Variants in TTC23 observed in about 807,000 individuals in gnomAD.
TTC23 encodes tetratricopeptide repeat domain 23, also known as tetratricopeptide repeat protein 23.
A neutral mutation model predicts 55.1 loss-of-function variants in TTC23; 58 were observed. That is an observed-to-expected ratio of 1.05 (90% CI 0.85 to 1.31). The LOEUF is 1.31. Ranked by LOEUF, TTC23 falls within the 50% of genes most tolerant of loss-of-function variation. TTC23 has a pLI of 0.00. For synonymous variants in TTC23, 203 were observed against 199.9 expected, an observed-to-expected ratio of 1.02 and a Z score of -0.13; for missense variants, 516 against 534.4, an observed-to-expected ratio of 0.97 and a Z score of 0.34.
At chr15:99,221,607 A>G (rs1375155226) in intron 6 of TTC23, 134 bp downstream of exon 6, 1 of 1,184,778 alleles carries the variant, frequency 8.4e-7, no homozygotes, top group East Asian at 2.5e-5. Flanking sequence ...ACTCTTTCTA[A>G]AAAGAAATGG....
chr15:99,236,462 TCTCA>T (rs2079324117), intron 3 of TTC23, among the ~76,000 whole-genome samples: 1 of 151,936 alleles, frequency 6.6e-6, no homozygotes. Flanking sequence ...GGAGTCCTTT[TCTCA>T]CTTTTTTTTT....
At chr15:99,192,847 A>C (rs2075357515) in intron 9 of TTC23, among the ~76,000 whole-genome samples, 1 of 152,192 alleles carries the variant, frequency 6.6e-6, no homozygotes, top group Non-Finnish European at 1.5e-5. Flanking sequence ...GTGTGAAGGC[A>C]GCTGGGAGGG....
At chr15:99,156,397 G>T in intron 11 of TTC23, 100 bp from the exon 12 acceptor site, 1 of 1,389,488 alleles carries the variant, frequency 7.2e-7, no homozygotes, top group Non-Finnish European at 9.9e-7. Flanking sequence ...GTAGTCTCAC[G>T]AGCTGAGCCT....
At chr15:99,232,217 C>T (rs2078989321) in intron 4 of TTC23, among the ~76,000 whole-genome samples, 1 of 151,638 alleles carries the variant, frequency 6.6e-6, no homozygotes. Context: ...CGGTGGCTCA[C>T]ACCTGTAATC....
chr15:99,138,314 T>C (rs1435154604), intron 13 of TTC23, among the ~76,000 whole-genome samples, 187 bp from the exon 14 acceptor site: 2 of 152,126 alleles, frequency 1.3e-5, no homozygotes, highest in African/African-American at 4.8e-5. Flanking sequence ...TCTTTTATTT[T>C]TTTAATTTTT....
chr15:99,228,527 C>A lies in TTC23; in HGVS notation c.180+6G>T. 6.2e-7 allele frequency: 1 copy of A among 1,600,450 alleles called. No homozygotes were observed. The highest frequency in any genetic ancestry group is 1.1e-5 in the South Asian group (1 of 89,340). On this transcript the variant is annotated splice_donor_region_variant and intron_variant, in intron 5 of 13. Coordinates refer to ENST00000394132, the MANE Select transcript of TTC23 (RefSeq NM_001288615.3). ...AGTAGAAATACAGAAACAAAAGTCTCCTTACCTCATGACTGTTGGAATAGG... is the reference window on the plus strand; with the variant it reads ...AGTAGAAATACAGAAACAAAAGTCTACTTACCTCATGACTGTTGGAATAGG...
At chr15:99,228,093 G>C (rs1304472284) in intron 5 of TTC23, among the ~76,000 whole-genome samples, 1 of 152,200 alleles carries the variant, frequency 6.6e-6, no homozygotes, top group Non-Finnish European at 1.5e-5. Flanking sequence ...TCATACAATA[G>C]ATATTTATGA....
intron 9 of TTC23, among the ~76,000 whole-genome samples, chr15:99,199,248 A>C (rs2075996627): frequency 6.6e-6 from 1 of 151,982 alleles, no homozygotes; most frequent in Non-Finnish European, 1.5e-5. Context: ...TTCCAGACTT[A>C]ACAGCCCCTT....
chr15:99,186,257 T>C (rs1483722828), intron 9 of TTC23, among the ~76,000 whole-genome samples: 2 of 152,234 alleles, frequency 1.3e-5, no homozygotes, highest in Admixed American at 6.5e-5. Context: ...AGGTTATTTT[T>C]TTAAGGAGCT....
chr15:99,244,549 G>C (rs549905550), intron 2 of TTC23, among the ~76,000 whole-genome samples: 1 of 152,012 alleles, frequency 6.6e-6, no homozygotes, highest in African/African-American at 2.4e-5. Context: ...TTCAAAATAG[G>C]ATAAAGAGAA....
intron 9 of TTC23, among the ~76,000 whole-genome samples, chr15:99,197,261 C>G (rs1165898952): frequency 6.6e-6 from 1 of 152,104 alleles, no homozygotes; most frequent in Non-Finnish European, 1.5e-5. Flanking sequence ...CGCCACCATG[C>G]CCGGCTAATT....
At chr15:99,249,037 A>G (rs971396662) in intron 1 of TTC23, 134 bp downstream of exon 1, 2 of 152,100 alleles carry the variant, frequency 1.3e-5, no homozygotes, top group African/African-American at 4.8e-5. Context: ...CAATATATAA[A>G]CAAAAATATC....
At position 99,173,237 on chromosome 15, in the gene TTC23, C is replaced by T. The variant is rs117985059; in HGVS notation, c.865+1813G>A. Among the ~76,000 whole-genome samples the T allele has an allele frequency of 7.4e-3, 1,133 of 152,286 alleles. 9 individuals are homozygous for T. The highest frequency in any genetic ancestry group is 0.013 in the Non-Finnish European group (866 of 68,016). ...TCCAGGTCAAAAGTCACGGATCCAG[C>T]CTTCGCACTTGTTTTGACTCACTCA... On this transcript the variant is annotated intron_variant, in intron 10 of 13. Transcript: ENST00000394132.
chr15:99,170,802 C>T (rs2072821081), intron 10 of TTC23, among the ~76,000 whole-genome samples: 1 of 152,222 alleles, frequency 6.6e-6, no homozygotes. Context: ...CCCACCTGTG[C>T]TCCTGCTGCA....
intron 8 of TTC23, 24 bp downstream of exon 8, chr15:99,218,564 C>A: frequency 1.2e-6 from 2 of 1,613,900 alleles, no homozygotes; most frequent in Non-Finnish European, 1.7e-6. Flanking sequence ...ATCATGTATG[C>A]AAAATCCTAA....
intron 9 of TTC23, among the ~76,000 whole-genome samples, chr15:99,178,917 C>G (rs967520136): frequency 6.6e-6 from 1 of 152,030 alleles, no homozygotes; most frequent in African/African-American, 2.4e-5. Context: ...GGGAAATGAG[C>G]GGTGGGTTTC....
At chr15:99,158,053 AGGGCCG>A (rs1415589961) in intron 11 of TTC23, 1 of 152,242 alleles carries the variant, frequency 6.6e-6, no homozygotes, top group Non-Finnish European at 1.5e-5. Flanking sequence ...GTTAGGGGAT[AGGGCCG>A]GGGTAGGGGA....
chr15:99,162,517 C>T (rs1007203092), intron 10 of TTC23, among the ~76,000 whole-genome samples: 6 of 152,072 alleles, frequency 3.9e-5, no homozygotes, highest in African/African-American at 1.4e-4. Flanking sequence ...TTGAATGGCC[C>T]GTAAGCATAT....
At chr15:99,140,853 A>G (rs1429751836) in intron 12 of TTC23, 1 of 152,242 alleles carries the variant, frequency 6.6e-6, no homozygotes, top group East Asian at 1.9e-4. Context: ...AGAAATGAGA[A>G]AGGTTTAACA....
Sources: allele counts gnomAD v4.1 joint callset (sites outside exome capture counted in the v4.1 genomes callset), GRCh38; gene constraint gnomAD v4.1.1; transcripts MANE v1.5; gene names NCBI Gene and HGNC (gene_info 2026-07-23, HGNC 2026-07-21).